CDK14: variants seen among roughly 807,000 people sequenced by gnomAD.
CDK14 encodes cyclin dependent kinase 14, also known as cyclin-dependent kinase 14.
In CDK14, 34 loss-of-function variants were observed where a neutral mutation model predicts 60.7. That is an observed-to-expected ratio of 0.56 (90% CI 0.43 to 0.75). CDK14 has a LOEUF of 0.75. Among genes scored for constraint, CDK14 ranks in the 30% least tolerant of loss-of-function variants. CDK14 has a pLI of 0.00. For synonymous variants in CDK14, 197 were observed against 203.7 expected (o/e 0.97, Z 0.28); for missense variants, 482 against 564.1 (o/e 0.85, Z 1.47).
intron 5 of CDK14, among the ~76,000 whole-genome samples, chr7:90,829,317 T>G (rs1789832095): frequency 6.6e-6 from 1 of 152,056 alleles, no homozygotes; most frequent in Non-Finnish European, 1.5e-5. Context: ...CTTAACTCAT[T>G]CTAGTACTAA....
At chr7:90,902,918 G>A (rs1437753169) in intron 7 of CDK14, among the ~76,000 whole-genome samples, 2 of 152,038 alleles carry the variant, frequency 1.3e-5, no homozygotes, top group African/African-American at 4.8e-5. Context: ...TCGTTAAAAA[G>A]TAGACAAAGG....
intron 10 of CDK14, among the ~76,000 whole-genome samples, chr7:90,986,092 A>G (rs1210786867): frequency 2.0e-5 from 3 of 152,062 alleles, no homozygotes; most frequent in Admixed American, 2.0e-4. Flanking sequence ...TATCTTGTAT[A>G]TTCTTTTGGA....
intron 12 of CDK14, among the ~76,000 whole-genome samples, chr7:91,093,377 A>C (rs1265042640): frequency 2.0e-5 from 3 of 152,206 alleles, no homozygotes; most frequent in Non-Finnish European, 4.4e-5. Context: ...ATCATGGTGG[A>C]CCATAAAATG....
At chr7:90,909,779 C>T (rs1792830745) in intron 7 of CDK14, among the ~76,000 whole-genome samples, 1 of 151,682 alleles carries the variant, frequency 6.6e-6, no homozygotes. Flanking sequence ...TTATTTCTCT[C>T]CAGAAAGTTC....
intron 1 of CDK14, among the ~76,000 whole-genome samples, chr7:90,601,493 T>C (rs1251062852): frequency 6.6e-6 from 1 of 152,212 alleles, no homozygotes; most frequent in Non-Finnish European, 1.5e-5. Context: ...ACCTTGAGCT[T>C]GAGAGTATTG....
chr7:90,877,566 T>G (rs552492363), intron 6 of CDK14, among the ~76,000 whole-genome samples: 9 of 152,280 alleles, frequency 5.9e-5, no homozygotes, highest in African/African-American at 1.9e-4. Flanking sequence ...TTAGGGACAT[T>G]TGGAAGAATG....
intron 2 of CDK14, among the ~76,000 whole-genome samples, chr7:90,720,214 C>T (rs1384680661): frequency 6.6e-6 from 1 of 152,126 alleles, no homozygotes; most frequent in Non-Finnish European, 1.5e-5. Flanking sequence ...TTGGAGCAGA[C>T]TAAATTCACT....
intron 2 of CDK14, among the ~76,000 whole-genome samples, chr7:90,646,324 C>G (rs1404926326): frequency 6.9e-6 from 1 of 145,616 alleles, no homozygotes; most frequent in Non-Finnish European, 1.5e-5. Flanking sequence ...TTTAATTCTG[C>G]TGGAGGTGAT....
intron 2 of CDK14, among the ~76,000 whole-genome samples, chr7:90,660,621 G>C (rs1169421760): frequency 6.6e-6 from 1 of 152,160 alleles, no homozygotes; most frequent in Non-Finnish European, 1.5e-5. Context: ...AATGTGTATT[G>C]ATATATACAT....
chr7:90,758,339 C>T (rs1308845310), intron 4 of CDK14, among the ~76,000 whole-genome samples: 1 of 152,020 alleles, frequency 6.6e-6, no homozygotes, highest in African/African-American at 2.4e-5. Flanking sequence ...CTTCTGACTG[C>T]TGACTGCTGA....
chr7:90,625,279 G>T (rs183834020), intron 2 of CDK14, among the ~76,000 whole-genome samples: 1 of 152,268 alleles, frequency 6.6e-6, no homozygotes, highest in African/African-American at 2.4e-5. Context: ...GTGCAAGGCC[G>T]AAGTGAGCTG....
At chr7:91,183,505 T>C (rs1282248170) in intron 14 of CDK14, among the ~76,000 whole-genome samples, 1 of 152,220 alleles carries the variant, frequency 6.6e-6, no homozygotes, top group South Asian at 2.1e-4. Flanking sequence ...TTTCCCGCCC[T>C]TTTCTTTATT....
chr7:91,085,640 G>A (rs1035419023), intron 12 of CDK14, among the ~76,000 whole-genome samples: 43 of 152,106 alleles, frequency 2.8e-4, no homozygotes, highest in Admixed American at 2.7e-3. Flanking sequence ...CATTCAATCC[G>A]GAGTCATGGA....
At chr7:91,082,573 G>A (rs1798512148) in intron 12 of CDK14, among the ~76,000 whole-genome samples, 1 of 152,134 alleles carries the variant, frequency 6.6e-6, no homozygotes, top group Non-Finnish European at 1.5e-5. Flanking sequence ...CACAAAAATA[G>A]AGAAGAAAAA....
chr7:91,025,854 A>T (rs763195043), intron 10 of CDK14, among the ~76,000 whole-genome samples: 8 of 152,284 alleles, frequency 5.3e-5, no homozygotes, highest in East Asian at 1.9e-4. Flanking sequence ...CTCAGGCAGG[A>T]GTTGCATTGT....
At chr7:90,998,716 G>A (rs529990017) in intron 10 of CDK14, among the ~76,000 whole-genome samples, 2 of 152,122 alleles carry the variant, frequency 1.3e-5, no homozygotes, top group Non-Finnish European at 2.9e-5. Flanking sequence ...GTGAAACCCC[G>A]TCTCTATTAA....
chr7:90,958,871 T>G lies in CDK14; in HGVS notation c.947+3054T>G, dbSNP rs149928340. ...GTTTTTGTCTTAGTTGCTTGGTAGT[T>G]CAGTTAAGATTCTACCCTCAGAACA... is the stretch of plus-strand genomic sequence containing the variant. On this transcript the variant is annotated intron_variant, in intron 9 of 14. Coordinates refer to ENST00000380050, the MANE Select transcript of CDK14 (RefSeq NM_001287135.2). Among the ~76,000 whole-genome samples the G allele has an allele frequency of 7.8e-3, 1,186 of 152,218 alleles. 20 individuals are homozygous for G. The highest frequency in any genetic ancestry group is 0.028 in the African/African-American group (1,145 of 41,534).
intron 6 of CDK14, among the ~76,000 whole-genome samples, chr7:90,889,310 G>A (rs1243905852): frequency 3.3e-5 from 5 of 152,146 alleles, no homozygotes; most frequent in African/African-American, 7.2e-5. Context: ...TATATAATTT[G>A]TCTATCCATG....
At chr7:90,769,470 C>CTTTT (rs10647062) in intron 4 of CDK14, among the ~76,000 whole-genome samples, 3 of 144,178 alleles carry the variant, frequency 2.1e-5, no homozygotes, top group East Asian at 2.0e-4. Flanking sequence ...TTTCTCTTTT[C>CTTTT]TTTCTTTTTT....
Sources: allele counts gnomAD v4.1 joint callset (sites outside exome capture counted in the v4.1 genomes callset), GRCh38; gene constraint gnomAD v4.1.1; transcripts MANE v1.5; gene names NCBI Gene and HGNC (gene_info 2026-07-23, HGNC 2026-07-21).